PRH1: variants seen among roughly 807,000 people sequenced by gnomAD.
PRH1 encodes proline rich protein HaeIII subfamily 1.
Under a neutral mutation model 7.9 loss-of-function variants are expected in PRH1, and 7 were observed. The observed-to-expected ratio is 0.89, with a 90% CI of 0.50 to 1.67. PRH1 has a LOEUF of 1.67. PRH1 is among the 40% of genes most tolerant of loss of function. PRH1 has a pLI of 0.00. For synonymous variants in PRH1, 45 were observed against 80.8 expected, an observed-to-expected ratio of 0.56 and a Z score of 2.38; for missense variants, 109 against 223.6, an observed-to-expected ratio of 0.49 and a Z score of 3.27.
At chr12:10,909,732 A>G (rs1277852359) in intron 2 of PRH1, among the ~76,000 whole-genome samples, 2 of 152,240 alleles carry the variant, frequency 1.3e-5, no homozygotes, top group Non-Finnish European at 2.9e-5. Flanking sequence ...TCTGATTCAT[A>G]GAATATGTAG....
intron 1 of PRH1, among the ~76,000 whole-genome samples, chr12:11,138,734 T>A (rs572864779): frequency 6.6e-6 from 1 of 152,316 alleles, no homozygotes; most frequent in African/African-American, 2.4e-5. Context: ...TCTTCTTTTT[T>A]AATTAATTTA....
intron 1 of PRH1, among the ~76,000 whole-genome samples, chr12:11,038,576 T>G (rs574189304): frequency 6.6e-6 from 1 of 152,264 alleles, no homozygotes; most frequent in African/African-American, 2.4e-5. Flanking sequence ...AATTTGTTCA[T>G]TTTCTCTGTT....
chr12:11,031,232 CG>C (rs780731118), intron 1 of PRH1: 4 of 1,614,092 alleles, frequency 2.5e-6, no homozygotes, highest in Middle Eastern at 1.7e-4. Context: ...TCTCTTGACC[CG>C]CTCAATGGAA....
At chr12:10,928,719 C>G (rs547160337) in intron 2 of PRH1, among the ~76,000 whole-genome samples, 2 of 152,124 alleles carry the variant, frequency 1.3e-5, no homozygotes, top group Non-Finnish European at 2.9e-5. Flanking sequence ...CACGGATAAG[C>G]AGAAAGCATC....
chr12:11,132,573 T>C (rs746493123), intron 1 of PRH1, among the ~76,000 whole-genome samples: 3 of 97,136 alleles, frequency 3.1e-5, no homozygotes, highest in Non-Finnish European at 7.4e-5. Flanking sequence ...ATCAAGATCA[T>C]GATCATGATT....
intron 1 of PRH1, chr12:11,158,840 C>G (rs1947332902): frequency 6.6e-6 from 1 of 152,132 alleles, no homozygotes; most frequent in Admixed American, 6.5e-5. Flanking sequence ...TCTCAAGGAG[C>G]TCTGTCTTAG....
At chr12:11,123,179 A>ATTT (rs1364483615) in intron 1 of PRH1, among the ~76,000 whole-genome samples, 6,710 of 137,336 alleles carry the variant, frequency 0.049, no homozygotes, top group East Asian at 0.15. Flanking sequence ...ATTTATTTTC[A>ATTT]CTTCTGTATA....
At position 11,066,083 on chromosome 12, in the gene PRH1, C is replaced by T. The variant is rs144103255; in HGVS notation, n.124-18895G>A. The stretch of plus-strand genomic sequence containing the variant: ...TCATTTATAACAATCTTTAAAAGAT[C>T]AAAGAGTAAAACAGTACATACAAGT... On this transcript the variant is annotated intron_variant and non_coding_transcript_variant, in intron 1 of 4. Transcript: ENST00000541977. 3.0e-3 allele frequency among the ~76,000 whole-genome samples: 461 copies of T among 152,264 alleles called. 2 individuals are homozygous for T. The highest frequency in any genetic ancestry group is 0.01 in the African/African-American group (435 of 41,552).
At chr12:11,107,971 G>GA (rs1945476339) in intron 1 of PRH1, among the ~76,000 whole-genome samples, 1 of 152,184 alleles carries the variant, frequency 6.6e-6, no homozygotes, top group African/African-American at 2.4e-5. Flanking sequence ...CTTTTCAGTG[G>GA]AAAAAGGCCA....
chr12:11,074,141 G>C (rs1591957489), intron 1 of PRH1, among the ~76,000 whole-genome samples: 1 of 148,798 alleles, frequency 6.7e-6, no homozygotes, highest in Admixed American at 6.8e-5. Flanking sequence ...TTTCCATCTG[G>C]GACTTGAATG....
chr12:11,111,958 T>A (rs1031473915), intron 1 of PRH1, among the ~76,000 whole-genome samples: 1 of 146,012 alleles, frequency 6.8e-6, no homozygotes. Flanking sequence ...CAATAAAAAA[T>A]AATAAAGGAG....
chr12:10,958,447 C>G (rs985630852), intron 2 of PRH1, among the ~76,000 whole-genome samples: 2 of 152,056 alleles, frequency 1.3e-5, no homozygotes, highest in African/African-American at 4.8e-5. Flanking sequence ...AGATACCTAT[C>G]AGGTACTCTG....
chr12:11,134,279 G>C, intron 1 of PRH1: 3 of 1,558,066 alleles, frequency 1.9e-6, no homozygotes, highest in Non-Finnish European at 2.6e-6. Context: ...TTAAAATGCT[G>C]GTGTAATATC....
chr12:11,009,216 A>C (rs1422957719), intron 1 of PRH1, among the ~76,000 whole-genome samples: 2 of 151,814 alleles, frequency 1.3e-5, no homozygotes, highest in African/African-American at 4.8e-5. Context: ...AACACACTGA[A>C]GATATGATTC....
At chr12:11,105,246 C>T (rs77370481) in intron 1 of PRH1, among the ~76,000 whole-genome samples, 3,143 of 151,902 alleles carry the variant, frequency 0.021, 53 homozygotes, top group Non-Finnish European at 0.032. Flanking sequence ...ATGTAGGTGT[C>T]CATGGGAAAA....
intron 2 of PRH1, chr12:10,908,739 C>G (rs1475338274): frequency 6.2e-7 from 1 of 1,613,876 alleles, no homozygotes; most frequent in Admixed American, 1.7e-5. Flanking sequence ...TGGTGTTAGA[C>G]TGAACATAGT....
intron 2 of PRH1, among the ~76,000 whole-genome samples, chr12:10,926,347 C>T (rs1414559060): frequency 1.3e-5 from 2 of 152,162 alleles, no homozygotes; most frequent in Admixed American, 1.3e-4. Context: ...AACCATCCTT[C>T]AGTATTCCAG....
At chr12:11,142,221 G>A (rs545544356) in intron 1 of PRH1, among the ~76,000 whole-genome samples, 17 of 152,164 alleles carry the variant, frequency 1.1e-4, no homozygotes, top group Non-Finnish European at 1.9e-4. Context: ...TACAAGCAAC[G>A]ATGACCAGCT....
At chr12:10,931,819 G>A (rs1309783570) in intron 2 of PRH1, among the ~76,000 whole-genome samples, 1 of 145,110 alleles carries the variant, frequency 6.9e-6, no homozygotes, top group Non-Finnish European at 1.5e-5. Context: ...TTATTGGTTA[G>A]TTTTTTTTTT....
Sources: allele counts gnomAD v4.1 joint callset (sites outside exome capture counted in the v4.1 genomes callset), GRCh38; gene constraint gnomAD v4.1.1; transcripts MANE v1.5; gene names NCBI Gene and HGNC (gene_info 2026-07-23, HGNC 2026-07-21).